Variants in LIN7A observed in about 807,000 individuals in gnomAD.
The protein encoded by LIN7A is protein lin-7 homolog A.
In LIN7A, 25 loss-of-function variants were observed where a neutral mutation model predicts 29.8. That is an observed-to-expected ratio of 0.84 (90% CI 0.61 to 1.17). The LOEUF (loss-of-function observed/expected upper bound fraction) is 1.17, where lower values mean the gene tolerates loss of function less well. LIN7A is among the 50% of genes most tolerant of loss of function. LIN7A has a pLI of 0.00. For synonymous variants in LIN7A, 118 were observed against 107.5 expected (o/e 1.10, Z -0.60); for missense variants, 239 against 287.0 (o/e 0.83, Z 1.21).
At position 80,845,943 on chromosome 12, in the gene LIN7A, A is replaced by T; in HGVS notation, c.274-4T>A. The T allele has an allele frequency of 4.1e-6, 1 of 245,724 alleles. No individual in the cohort carries two copies. Among genetic ancestry groups the T allele is most frequent in the Non-Finnish European group, 6.6e-6 (1 of 150,982 alleles). The allele number at this position is 245,724 out of a possible 1,614,324, so 15.2% of individuals were successfully genotyped here. A position where few individuals can be genotyped will look rare whatever the true frequency, so the allele number is the denominator to read the frequency against. On this transcript the variant is annotated splice_region_variant and splice_polypyrimidine_tract_variant and intron_variant, in intron 3 of 5. Transcript: ENST00000552864. ...CTGCAAAAGCTGCAACTGTTGCCTG[A>T]AAAAAAAAAAAAAAGATGGTCTTTT...
chr12:80,927,385 G>A (rs938953837), intron 1 of LIN7A, among the ~76,000 whole-genome samples: 5 of 152,118 alleles, frequency 3.3e-5, no homozygotes, highest in Middle Eastern at 3.4e-3. Flanking sequence ...TCCTGACCTC[G>A]TGATCTGCCC....
intron 2 of LIN7A, among the ~76,000 whole-genome samples, chr12:80,857,235 C>A (rs1358562129): frequency 1.3e-5 from 2 of 152,154 alleles, no homozygotes; most frequent in Non-Finnish European, 2.9e-5. Context: ...TGGAGTAAAA[C>A]AGATAGTTTA....
intron 2 of LIN7A, among the ~76,000 whole-genome samples, chr12:80,862,024 T>C (rs1197025976): frequency 6.6e-6 from 1 of 152,226 alleles, no homozygotes; most frequent in African/African-American, 2.4e-5. Flanking sequence ...ATTTGAAGAC[T>C]TTTAAGATAA....
At chr12:80,879,645 CAAAAAAAAAAAAAAAAA>C (rs530877505) in intron 2 of LIN7A, among the ~76,000 whole-genome samples, 1 of 58,742 alleles carries the variant, frequency 1.7e-5, no homozygotes, top group African/African-American at 9.1e-5. Flanking sequence ...TGGAGCAGCC[CAAAAAAAAAAAAAAAAA>C]AAAAAAAAAA....
intron 5 of LIN7A, among the ~76,000 whole-genome samples, chr12:80,800,074 A>G (rs902816437): frequency 8.5e-5 from 13 of 152,244 alleles, no homozygotes; most frequent in African/African-American, 3.1e-4. Context: ...TACTTCTATT[A>G]GAAATGAAAG....
At chr12:80,862,143 A>G (rs1873912068) in intron 2 of LIN7A, among the ~76,000 whole-genome samples, 1 of 152,210 alleles carries the variant, frequency 6.6e-6, no homozygotes, top group African/African-American at 2.4e-5. Flanking sequence ...AACTATCACC[A>G]AGTCCTTCAG....
At chr12:80,865,465 C>T (rs1351867236) in intron 2 of LIN7A, among the ~76,000 whole-genome samples, 1 of 152,110 alleles carries the variant, frequency 6.6e-6, no homozygotes, top group Admixed American at 6.6e-5. Context: ...AACAACTGAG[C>T]AATGGAGAAG....
At chr12:80,813,139 T>G (rs894180323) in intron 4 of LIN7A, among the ~76,000 whole-genome samples, 3 of 151,908 alleles carry the variant, frequency 2.0e-5, no homozygotes, top group Non-Finnish European at 4.4e-5. Context: ...GCCTCCCGAG[T>G]AGCTGGGACT....
chr12:80,852,107 A>C (rs1444755898), intron 2 of LIN7A, among the ~76,000 whole-genome samples: 4 of 152,176 alleles, frequency 2.6e-5, no homozygotes, highest in Non-Finnish European at 5.9e-5. Flanking sequence ...TGTTTGAAAC[A>C]AAATTTTCAC....
At chr12:80,861,283 T>G (rs2120408449) in intron 2 of LIN7A, 1 of 151,766 alleles carries the variant, frequency 6.6e-6, no homozygotes, top group Non-Finnish European at 1.5e-5. Context: ...CTCGGGAGTT[T>G]CAGTCGTCCT....
At chr12:80,892,220 T>A (rs1034699348) in intron 1 of LIN7A, among the ~76,000 whole-genome samples, 24 of 152,190 alleles carry the variant, frequency 1.6e-4, no homozygotes, top group Admixed American at 1.1e-3. Flanking sequence ...GAATTCCACA[T>A]CCCTGTGTCT....
intron 1 of LIN7A, among the ~76,000 whole-genome samples, chr12:80,927,140 T>C (rs973309515): frequency 2.0e-5 from 3 of 148,972 alleles, no homozygotes; most frequent in African/African-American, 7.4e-5. Flanking sequence ...CAGTAAACTA[T>C]TTTCTTTTCT....
intron 1 of LIN7A, among the ~76,000 whole-genome samples, chr12:80,899,337 G>T (rs1422862005): frequency 2.6e-5 from 4 of 152,094 alleles, no homozygotes; most frequent in African/African-American, 4.8e-5. Context: ...AAGCTTTTTC[G>T]ATCGTGATGG....
intron 2 of LIN7A, among the ~76,000 whole-genome samples, chr12:80,856,629 C>A (rs1238997744): frequency 6.6e-6 from 1 of 152,120 alleles, no homozygotes; most frequent in Non-Finnish European, 1.5e-5. Context: ...GTATTTTAAA[C>A]CATGCTGATG....
At chr12:80,923,682 G>A (rs1295917603) in intron 1 of LIN7A, among the ~76,000 whole-genome samples, 2 of 151,924 alleles carry the variant, frequency 1.3e-5, no homozygotes, top group Non-Finnish European at 2.9e-5. Flanking sequence ...TGAAGTCTTT[G>A]CAAGCACCTG....
intron 1 of LIN7A, among the ~76,000 whole-genome samples, chr12:80,935,152 G>A (rs1286728392): frequency 6.6e-6 from 1 of 152,150 alleles, no homozygotes; most frequent in African/African-American, 2.4e-5. Flanking sequence ...GTGAGTCAGG[G>A]ACTATAGCAG....
intron 4 of LIN7A, among the ~76,000 whole-genome samples, chr12:80,819,885 CA>C: frequency 6.6e-6 from 1 of 152,314 alleles, no homozygotes; most frequent in South Asian, 2.1e-4. Context: ...TGTTTACAGA[CA>C]ACAACAGCAA....
chr12:80,884,336 T>C (rs1318826786), intron 2 of LIN7A, among the ~76,000 whole-genome samples: 1 of 152,208 alleles, frequency 6.6e-6, no homozygotes, highest in East Asian at 1.9e-4. Flanking sequence ...AATGCTGATG[T>C]ACAATAATCT....
intron 1 of LIN7A, among the ~76,000 whole-genome samples, chr12:80,904,032 A>G (rs1204152425): frequency 1.3e-5 from 2 of 151,864 alleles, no homozygotes; most frequent in African/African-American, 4.8e-5. Flanking sequence ...AATCTTTTAA[A>G]CTTTTTTCTA....
Sources: allele counts gnomAD v4.1 joint callset (sites outside exome capture counted in the v4.1 genomes callset), GRCh38; gene constraint gnomAD v4.1.1; transcripts MANE v1.5; gene names NCBI Gene and HGNC (gene_info 2026-07-23, HGNC 2026-07-21).